Variants in BEND4 observed in about 807,000 individuals in gnomAD.
BEND4 encodes BEN domain containing 4.
Under a neutral mutation model 54.7 loss-of-function variants are expected in BEND4, and 27 were observed. The ratio of observed to expected loss-of-function variants is 0.49; its 90% confidence interval spans 0.36 to 0.68. The LOEUF (loss-of-function observed/expected upper bound fraction) is 0.68, where lower values mean the gene tolerates loss of function less well. BEND4 is among the 30% of genes least tolerant of loss of function. BEND4 has a pLI of 0.00. For synonymous variants in BEND4, 327 were observed against 299.5 expected, an observed-to-expected ratio of 1.09 and a Z score of -0.95; for missense variants, 702 against 697.2, an observed-to-expected ratio of 1.01 and a Z score of -0.08.
In BEND4 at chr4:42,117,002, TTAA is replaced by T. The variant is rs1719863988; in HGVS notation, c.*513_*515del. The T allele has an allele frequency of 3.3e-5, 5 of 152,444 alleles. No homozygotes were observed. 9.4% of individuals were successfully genotyped at this position (152,444 alleles called of 1,614,324 possible). ...GGTTTCCTTTTAGTAATAGACATTATTAATGTCAAAATGGTATATGATGTCATC... is the reference window on the plus strand; with the variant it reads ...GGTTTCCTTTTAGTAATAGACATTATTGTCAAAATGGTATATGATGTCATC... On this transcript the variant is annotated 3_prime_UTR_variant, in exon 6 of 6. Transcript: ENST00000502486.
intron 3 of BEND4, 72 bp from the exon 4 acceptor site, chr4:42,125,746 T>A: frequency 7.3e-6 from 4 of 551,276 alleles, no homozygotes; most frequent in Non-Finnish European, 1.1e-5. Flanking sequence ...TTTTTTAAAG[T>A]TTTTTTTTTT....
chr4:42,119,877 A>C (rs1285592463), intron 5 of BEND4, 177 bp downstream of exon 5: 1 of 708,920 alleles, frequency 1.4e-6, no homozygotes, highest in African/African-American at 1.8e-5. Context: ...ACGCTAAGGC[A>C]AACGGAGGTT....
chr4:42,136,340 GA>G (rs1720698204), intron 3 of BEND4, among the ~76,000 whole-genome samples: 1 of 152,180 alleles, frequency 6.6e-6, no homozygotes, highest in Non-Finnish European at 1.5e-5. Context: ...TTCTTAATTA[GA>G]AAATGTCAAC....
In BEND4 at chr4:42,112,926, G is replaced by C. The variant is rs1054662669; in HGVS notation, c.*4592C>G. The C allele has an allele frequency of 1.3e-5, 2 of 152,222 alleles. No homozygotes were observed. Among genetic ancestry groups the C allele is most frequent in the Middle Eastern group, 3.4e-3 (1 of 292 alleles). The allele number at this position is 152,222 out of a possible 1,614,324, so 9.4% of individuals were successfully genotyped here. A position where few individuals can be genotyped will look rare whatever the true frequency, so the allele number is the denominator to read the frequency against. Reference sequence around the variant, plus strand: ...TTTGCAGAGGACTACCCATCTGCTGGGTGACGTTTTCCTACATTACTCCAA... The same window carrying C: ...TTTGCAGAGGACTACCCATCTGCTGCGTGACGTTTTCCTACATTACTCCAA... On this transcript the variant is annotated 3_prime_UTR_variant, in exon 6 of 6. Transcript: ENST00000502486.
chr4:42,123,242 C>T (rs1720129670), intron 4 of BEND4, among the ~76,000 whole-genome samples: 1 of 151,836 alleles, frequency 6.6e-6, no homozygotes, highest in African/African-American at 2.4e-5. Flanking sequence ...GCTCATGTGC[C>T]TGAAATGACA....
chr4:42,124,006 A>T (rs779871872), intron 4 of BEND4, among the ~76,000 whole-genome samples: 14 of 152,254 alleles, frequency 9.2e-5, no homozygotes, highest in Non-Finnish European at 1.6e-4. Flanking sequence ...GTGAAGCCAC[A>T]GGGACTGATG....
In BEND4 at chr4:42,116,523, G is replaced by C. The variant is rs904170592; in HGVS notation, c.*995C>G. The C allele has an allele frequency of 3.9e-5, 6 of 152,168 alleles. No homozygotes were observed. Among genetic ancestry groups the C allele is most frequent in the Non-Finnish European group, 8.8e-5 (6 of 68,036 alleles). 9.4% of individuals were successfully genotyped at this position (152,168 alleles called of 1,614,324 possible). A position where few individuals can be genotyped will look rare whatever the true frequency, so the allele number is the denominator to read the frequency against. On this transcript the variant is annotated 3_prime_UTR_variant, in exon 6 of 6. Coordinates refer to ENST00000502486, the MANE Select transcript of BEND4 (RefSeq NM_207406.4). Reference sequence around the variant, plus strand: ...AAACAAGTTTCATACAAATTCTAAAGATCAGCTCAGCAGAGAAAGACCCTC... The same window carrying C: ...AAACAAGTTTCATACAAATTCTAAACATCAGCTCAGCAGAGAAAGACCCTC...
At position 42,112,468 on chromosome 4, in the gene BEND4, G is replaced by C. The variant is rs1459153470; in HGVS notation, c.*5050C>G. ...GGCCCAATTATTCCAAGAATAAAGA[G>C]GTTTTCAAATGAGTCTTACTAGCAA... On this transcript the variant is annotated 3_prime_UTR_variant, in exon 6 of 6. Coordinates refer to ENST00000502486, the MANE Select transcript of BEND4 (RefSeq NM_207406.4). The C allele has an allele frequency of 6.6e-5, 10 of 152,158 alleles. No homozygotes were observed. The highest frequency in any genetic ancestry group is 1.5e-4 in the Non-Finnish European group (10 of 68,030). 9.4% of individuals were successfully genotyped at this position (152,158 alleles called of 1,614,324 possible). A position where few individuals can be genotyped will look rare whatever the true frequency, so the allele number is the denominator to read the frequency against.
intron 3 of BEND4, among the ~76,000 whole-genome samples, chr4:42,137,235 C>T (rs1322907364): frequency 1.3e-5 from 2 of 152,154 alleles, no homozygotes; most frequent in Non-Finnish European, 2.9e-5. Context: ...AAAAAATGCA[C>T]TTTTTATAAA....
intron 3 of BEND4, among the ~76,000 whole-genome samples, chr4:42,139,565 C>T (rs1720813962): frequency 6.7e-6 from 1 of 150,110 alleles, no homozygotes; most frequent in Non-Finnish European, 1.5e-5. Flanking sequence ...TCAAGAACTG[C>T]TCCCAGGTAT....
In BEND4 at chr4:42,143,798, A is replaced by G. The variant is rs765310063; in HGVS notation, c.684T>C (p.Asn228=). ...GKGVHSQTSD[N]VDIEMQYMQR... ...GCATATACTGCATCTCTATGTCTAC[A>G]TTGTCTGAGGTCTGACTGTGGACCC... The change falls in exon 3 of 6, where the codon AAT becomes AAC. Residue 228 remains asparagine (N), a synonymous_variant. Transcript: ENST00000502486. 9.9e-6 allele frequency: 16 copies of G among 1,608,040 alleles called. No individual in the cohort carries two copies. The highest frequency in any genetic ancestry group is 1.3e-5 in the African/African-American group (1 of 74,824).
At chr4:42,143,394 T>G in intron 3 of BEND4, 34 bp downstream of exon 3, 4 of 1,479,660 alleles carry the variant, frequency 2.7e-6, no homozygotes, top group Non-Finnish European at 3.7e-6. Context: ...GAAAGAAGGG[T>G]TGCAGTTGTC....
Position 42,151,848 on chromosome 4 carries a change from G to T in BEND4, c.296C>A (p.Ser99Ter), listed in dbSNP as rs1721302706. The change falls in exon 2 of 6, where the codon TCG becomes TAG. Residue 99 changes from serine to a stop codon, truncating the protein, a stop_gained. Coordinates refer to ENST00000502486, the MANE Select transcript of BEND4 (RefSeq NM_207406.4). LOFTEE classifies it high-confidence loss of function. ...GGCGGGCGTGCAGGACGGCGACGACGACGAAGCGGCGGCGGCGGCCCGGCC... is the reference window on the plus strand; with the variant it reads ...GGCGGGCGTGCAGGACGGCGACGACTACGAAGCGGCGGCGGCGGCCCGGCC... Reference protein sequence around the residue: ...GPGRAAAAASSSSPSCTPATS... With the variant: ...GPGRAAAAAS The T allele has an allele frequency of 1.5e-6, 2 of 1,331,454 alleles. No individual in the cohort carries two copies. The highest frequency in any genetic ancestry group is 1.5e-5 in the African/African-American group (1 of 64,550). 82.5% of individuals were successfully genotyped at this position (1,331,454 alleles called of 1,614,324 possible).
chr4:42,129,647 GGAATCCTGGGA>G (rs1304671554), intron 3 of BEND4, among the ~76,000 whole-genome samples: 1 of 151,980 alleles, frequency 6.6e-6, no homozygotes, highest in East Asian at 1.9e-4. Flanking sequence ...GAAAGAATAG[GGAATCCTGGGA>G]GAACTGGCTA....
chr4:42,112,316 T>C lies in BEND4; in HGVS notation c.*5202A>G, dbSNP rs1719605640. The C allele has an allele frequency of 1.3e-5, 2 of 152,242 alleles. No homozygotes were observed. Among genetic ancestry groups the C allele is most frequent in the Admixed American group, 1.3e-4 (2 of 15,286 alleles). The allele number at this position is 152,242 out of a possible 1,614,324, so 9.4% of individuals were successfully genotyped here. A position where few individuals can be genotyped will look rare whatever the true frequency, so the allele number is the denominator to read the frequency against. Reference sequence around the variant, plus strand: ...GAATGCATTAAAGTACTTATCCAAGTAACTGTCACACAATAACTCAATAGA... The same window carrying C: ...GAATGCATTAAAGTACTTATCCAAGCAACTGTCACACAATAACTCAATAGA... On this transcript the variant is annotated 3_prime_UTR_variant, in exon 6 of 6. Transcript: ENST00000502486.
chr4:42,137,593 A>G (rs1481239273), intron 3 of BEND4, among the ~76,000 whole-genome samples: 1 of 152,204 alleles, frequency 6.6e-6, no homozygotes, highest in Non-Finnish European at 1.5e-5. Context: ...AAGAACAACC[A>G]CAAAATTTTC....
intron 2 of BEND4, among the ~76,000 whole-genome samples, chr4:42,145,121 G>A (rs955259173): frequency 2.6e-5 from 4 of 152,150 alleles, no homozygotes; most frequent in African/African-American, 9.7e-5. Flanking sequence ...TGAAAATGTT[G>A]ACTAGCTGCA....
intron 3 of BEND4, among the ~76,000 whole-genome samples, chr4:42,139,071 C>T (rs548127878): frequency 1.5e-3 from 226 of 152,290 alleles, no homozygotes; most frequent in Non-Finnish European, 2.6e-3. Flanking sequence ...GACACTCTGT[C>T]CAATGAGAAG....
intron 3 of BEND4, among the ~76,000 whole-genome samples, chr4:42,142,197 C>A (rs565542607): frequency 6.6e-6 from 1 of 151,394 alleles, no homozygotes; most frequent in Non-Finnish European, 1.5e-5. Flanking sequence ...TGAGCCACTG[C>A]GCCCGGCCTC....
Sources: allele counts gnomAD v4.1 joint callset (sites outside exome capture counted in the v4.1 genomes callset), GRCh38; gene constraint gnomAD v4.1.1; transcripts MANE v1.5; gene names NCBI Gene and HGNC (gene_info 2026-07-23, HGNC 2026-07-21).